The following KHDRBS2 variants were observed in gnomAD, a reference collection of about 807,000 sequenced individuals.
KHDRBS2 encodes KH domain-containing, RNA-binding, signal transduction-associated protein 2.
A neutral mutation model predicts 44.3 loss-of-function variants in KHDRBS2; 26 were observed. That is an observed-to-expected ratio of 0.59 (90% CI 0.43 to 0.81). The LOEUF is 0.81. Among genes scored for constraint, KHDRBS2 ranks in the 40% least tolerant of loss-of-function variants. The probability of loss-of-function intolerance (pLI) is 0.00; values close to 1 mark genes in which losing one functional copy is unlikely to be tolerated. For missense variants in KHDRBS2, 476 were observed against 433.1 expected, an observed-to-expected ratio of 1.10 and a Z score of -0.88; for synonymous variants, 194 against 151.1, an observed-to-expected ratio of 1.28 and a Z score of -2.08.
intron 3 of KHDRBS2, among the ~76,000 whole-genome samples, chr6:61,990,106 C>T (rs527352243): frequency 4.6e-5 from 7 of 152,234 alleles, no homozygotes; most frequent in Admixed American, 2.0e-4. Flanking sequence ...CATGCCTCTA[C>T]GTGGACCACC....
At chr6:61,902,422 C>T (rs545112529) in intron 4 of KHDRBS2, among the ~76,000 whole-genome samples, 1 of 152,034 alleles carries the variant, frequency 6.6e-6, no homozygotes, top group African/African-American at 2.4e-5. Flanking sequence ...TCAAGAGGAC[C>T]CAAGAGTGGA....
the KHDRBS2 span, among the ~76,000 whole-genome samples, chr6:61,588,176 A>T: frequency 6.6e-6 from 1 of 152,188 alleles, no homozygotes; most frequent in African/African-American, 2.4e-5. Flanking sequence ...GATTATCCTA[A>T]TTATGATTCA....
Position 61,741,278 on chromosome 6 carries a change from A to G in KHDRBS2, c.811-8514T>C, listed in dbSNP as rs113079445. ...TGGAATGGTAAACAGAATATGTTAA[A>G]TTACCTCTAGATAGAGCTTTTCTAA... On this transcript the variant is annotated intron_variant, in intron 6 of 8. Coordinates refer to ENST00000281156, the MANE Select transcript of KHDRBS2 (RefSeq NM_152688.4). Among the ~76,000 whole-genome samples, 1,369 of 152,046 alleles carry G rather than the reference A, an allele frequency of 9.0e-3. 12 individuals are homozygous for G. The highest frequency in any genetic ancestry group is 0.01 in the Middle Eastern group (3 of 294).
At chr6:61,653,253 C>T in the KHDRBS2 span, among the ~76,000 whole-genome samples, 1 of 152,054 alleles carries the variant, frequency 6.6e-6, no homozygotes, top group Admixed American at 6.6e-5. Context: ...GTTAAAGTGC[C>T]TCTGTTCCTC....
chr6:61,637,366 T>C, the KHDRBS2 span, among the ~76,000 whole-genome samples: 1 of 152,186 alleles, frequency 6.6e-6, no homozygotes, highest in African/African-American at 2.4e-5. Context: ...CATGAACTCA[T>C]CATTTTTTAT....
chr6:62,261,991 G>A (rs1838421802), intron 1 of KHDRBS2, among the ~76,000 whole-genome samples: 1 of 151,684 alleles, frequency 6.6e-6, no homozygotes, highest in Non-Finnish European at 1.5e-5. Flanking sequence ...TTTGGCCAAA[G>A]TTCTAGATTA....
At chr6:61,699,906 G>A (rs548444728) in intron 7 of KHDRBS2, among the ~76,000 whole-genome samples, 9 of 151,962 alleles carry the variant, frequency 5.9e-5, no homozygotes, top group South Asian at 4.1e-4. Flanking sequence ...TTCATCCTTC[G>A]AATGACTTGA....
At chr6:62,072,048 G>T (rs1419973219) in intron 2 of KHDRBS2, among the ~76,000 whole-genome samples, 3 of 152,054 alleles carry the variant, frequency 2.0e-5, no homozygotes, top group Non-Finnish European at 4.4e-5. Flanking sequence ...CCTTGAAGAG[G>T]TCTTTCACAT....
At chr6:61,551,677 G>A in the KHDRBS2 span, among the ~76,000 whole-genome samples, 1 of 152,032 alleles carries the variant, frequency 6.6e-6, no homozygotes, top group East Asian at 1.9e-4. Context: ...GGTTGTAGGT[G>A]TGCAGCATTA....
At chr6:61,816,979 A>G in intron 6 of KHDRBS2, 1 of 455,872 alleles carries the variant, frequency 2.2e-6, no homozygotes, top group Non-Finnish European at 4.4e-6. Context: ...CCACCGTATC[A>G]AAAAACAAGG....
At position 61,956,065 on chromosome 6, in the gene KHDRBS2, C is replaced by T. The variant is rs1465642172; in HGVS notation, c.483+22001G>A. On this transcript the variant is annotated intron_variant, in intron 4 of 8. Transcript: ENST00000281156. Reference sequence around the variant, plus strand: ...AAAATTAGCTGGGCGTGGTGGTGTGCGTCTGTATTCCCAGCTATTCGGGGA... The same window carrying T: ...AAAATTAGCTGGGCGTGGTGGTGTGTGTCTGTATTCCCAGCTATTCGGGGA... 9.2e-5 allele frequency among the ~76,000 whole-genome samples: 14 copies of T among 151,954 alleles called. No individual in the cohort carries two copies. In the East Asian group the frequency reaches 9.7e-4, roughly 11 times the overall value.
intron 6 of KHDRBS2, among the ~76,000 whole-genome samples, chr6:61,890,769 AG>A (rs751202185): frequency 5.9e-5 from 9 of 151,852 alleles, no homozygotes; most frequent in Non-Finnish European, 1.2e-4. Context: ...TGGCAGAACC[AG>A]GGCTAGTCCC....
At chr6:61,670,313 T>C in the KHDRBS2 span, among the ~76,000 whole-genome samples, 1 of 151,412 alleles carries the variant, frequency 6.6e-6, no homozygotes, top group Middle Eastern at 3.2e-3. Flanking sequence ...CAATTTGTGC[T>C]TCATTAAAGG....
At chr6:61,771,961 A>T (rs933354743) in intron 6 of KHDRBS2, among the ~76,000 whole-genome samples, 12 of 152,206 alleles carry the variant, frequency 7.9e-5, no homozygotes, top group Admixed American at 1.3e-4. Flanking sequence ...AGCAAATGTA[A>T]AAGAAAAGAA....
chr6:62,175,149 T>C (rs1820827884), intron 2 of KHDRBS2, among the ~76,000 whole-genome samples: 1 of 151,704 alleles, frequency 6.6e-6, no homozygotes. Flanking sequence ...TCAACTTTGA[T>C]AAGCGAGTAT....
rs201550372 is a variant in KHDRBS2 at position 61,983,080 on chromosome 6, C to CA, written c.337-4869dup. On this transcript the variant is annotated intron_variant, in intron 3 of 8. Coordinates refer to ENST00000281156, the MANE Select transcript of KHDRBS2 (RefSeq NM_152688.4). The stretch of plus-strand genomic sequence containing the variant: ...TCCAATAGGAATGGGAATCTGTTCT[C>CA]AAAAAAAAAATTGGAAACTCGTTAT... Among the ~76,000 whole-genome samples, 461 of 147,284 alleles carry CA rather than the reference C, an allele frequency of 3.1e-3. 1 individual carries two copies. Among genetic ancestry groups the CA allele is most frequent in the African/African-American group, 5.9e-3 (236 of 40,312 alleles).
chr6:61,631,485 T>G, the KHDRBS2 span, among the ~76,000 whole-genome samples: 1 of 152,082 alleles, frequency 6.6e-6, no homozygotes, highest in Non-Finnish European at 1.5e-5. Flanking sequence ...ATATCAAATA[T>G]GTCTTTGTGA....
intron 2 of KHDRBS2, among the ~76,000 whole-genome samples, chr6:62,113,946 G>T (rs935883733): frequency 2.6e-5 from 4 of 152,052 alleles, no homozygotes; most frequent in African/African-American, 9.7e-5. Flanking sequence ...TCACAGTTCC[G>T]CATGGCTGGA....
chr6:61,683,568 A>G (rs1766524425), intron 8 of KHDRBS2, among the ~76,000 whole-genome samples: 1 of 151,900 alleles, frequency 6.6e-6, no homozygotes, highest in African/African-American at 2.4e-5. Flanking sequence ...GAGCTAAAGA[A>G]ATTTAACATT....
Sources: allele counts gnomAD v4.1 joint callset (sites outside exome capture counted in the v4.1 genomes callset), GRCh38; gene constraint gnomAD v4.1.1; transcripts MANE v1.5; gene names NCBI Gene and HGNC (gene_info 2026-07-23, HGNC 2026-07-21).